CD96: variants seen among roughly 807,000 people sequenced by gnomAD.
CD96 encodes T-cell surface protein tactile.
CD96 carries 70 observed loss-of-function variants against 71.3 expected under a neutral mutation model. That is an observed-to-expected ratio of 0.98 (90% CI 0.81 to 1.20). The LOEUF is 1.20. CD96 is among the 50% of genes most tolerant of loss of function. The pLI is 0.00. For missense variants in CD96, 742 were observed against 677.5 expected (o/e 1.10, Z -1.06); for synonymous variants, 248 against 233.0 (o/e 1.06, Z -0.59).
intron 5 of CD96, among the ~76,000 whole-genome samples, chr3:111,592,280 C>T (rs540400624): frequency 1.3e-4 from 20 of 152,282 alleles, no homozygotes; most frequent in African/African-American, 4.8e-4. Flanking sequence ...CAGGAAATTA[C>T]TCTCTCCCTA....
chr3:111,581,678 C>T (rs1936473667), intron 4 of CD96, among the ~76,000 whole-genome samples: 1 of 152,180 alleles, frequency 6.6e-6, no homozygotes, highest in Non-Finnish European at 1.5e-5. Context: ...TGATTGTCCT[C>T]AACCTCAAAG....
intron 2 of CD96, among the ~76,000 whole-genome samples, chr3:111,560,098 G>T (rs1380164982): frequency 1.3e-5 from 2 of 148,702 alleles, no homozygotes; most frequent in African/African-American, 4.9e-5. Flanking sequence ...GAGCCTATAT[G>T]TGTCTCTGCA....
At chr3:111,658,548 C>A (rs988512629) in intron 14 of CD96, among the ~76,000 whole-genome samples, 1 of 152,210 alleles carries the variant, frequency 6.6e-6, no homozygotes, top group Non-Finnish European at 1.5e-5. Flanking sequence ...TATGCATGGT[C>A]TCTAAGTGCC....
At chr3:111,577,402 C>A in intron 3 of CD96, 4 of 847,912 alleles carry the variant, frequency 4.7e-6, no homozygotes, top group Non-Finnish European at 6.2e-6. Flanking sequence ...ATGCTCTCCA[C>A]TTTCTTCTCC....
chr3:111,581,009 T>C (rs193080047), intron 4 of CD96, among the ~76,000 whole-genome samples: 1 of 152,338 alleles, frequency 6.6e-6, no homozygotes, highest in East Asian at 1.9e-4. Context: ...AATTGCCTTG[T>C]CAACATTTAT....
intron 8 of CD96, among the ~76,000 whole-genome samples, chr3:111,616,363 C>T (rs1281310323): frequency 6.6e-6 from 1 of 152,004 alleles, no homozygotes; most frequent in Non-Finnish European, 1.5e-5. Context: ...GGATATCTCC[C>T]TAAAGAAAAG....
chr3:111,596,765 G>T (rs1471340077), intron 5 of CD96, among the ~76,000 whole-genome samples: 1 of 152,134 alleles, frequency 6.6e-6, no homozygotes, highest in Admixed American at 6.5e-5. Context: ...GTATTTTAGA[G>T]GATCTGGTTT....
At chr3:111,664,977 A>G (rs905785406) in intron 14 of CD96, among the ~76,000 whole-genome samples, 2 of 152,250 alleles carry the variant, frequency 1.3e-5, no homozygotes, top group Non-Finnish European at 2.9e-5. Context: ...TTAGCAGTCA[A>G]AGGACTATGA....
intron 14 of CD96, among the ~76,000 whole-genome samples, chr3:111,660,794 G>T (rs1940335602): frequency 6.6e-6 from 1 of 152,182 alleles, no homozygotes; most frequent in Non-Finnish European, 1.5e-5. Context: ...AATAAATGGT[G>T]CTGGGATAAC....
chr3:111,664,350 C>G (rs1940431225), intron 14 of CD96, among the ~76,000 whole-genome samples: 1 of 152,108 alleles, frequency 6.6e-6, no homozygotes, highest in African/African-American at 2.4e-5. Context: ...AAATCATGTC[C>G]TTTGCAGCAA....
At chr3:111,577,386 A>T (rs1936266424) in intron 3 of CD96, 6 of 797,892 alleles carry the variant, frequency 7.5e-6, no homozygotes, top group Non-Finnish European at 9.2e-6. Flanking sequence ...GCCAGTGCTG[A>T]GTGACATGCT....
chr3:111,571,210 T>C (rs1935967990), intron 3 of CD96, among the ~76,000 whole-genome samples: 2 of 60,864 alleles, frequency 3.3e-5, no homozygotes, highest in Non-Finnish European at 6.8e-5. Flanking sequence ...GTTTTGGTTT[T>C]TGGTTTTTGG....
At chr3:111,606,577 G>C (rs2107665560) in intron 7 of CD96, 123 bp from the exon 8 acceptor site, 2 of 688,904 alleles carry the variant, frequency 2.9e-6, no homozygotes, top group Non-Finnish European at 5.3e-6. Flanking sequence ...CCTTAATAGG[G>C]CCCCAATATT....
intron 14 of CD96, among the ~76,000 whole-genome samples, chr3:111,665,001 G>C (rs1940447429): frequency 6.6e-6 from 1 of 152,170 alleles, no homozygotes; most frequent in South Asian, 2.1e-4. Flanking sequence ...AAATAACTTA[G>C]CCTCAAAGGG....
At chr3:111,553,709 C>A (rs1934845310) in intron 2 of CD96, among the ~76,000 whole-genome samples, 1 of 151,842 alleles carries the variant, frequency 6.6e-6, no homozygotes, top group African/African-American at 2.4e-5. Context: ...TCCCTTTAAT[C>A]ACCAGTTTTA....
downstream of CD96, among the ~76,000 whole-genome samples, chr3:111,656,706 CT>C (rs1304041744): frequency 6.6e-6 from 1 of 151,908 alleles, no homozygotes; most frequent in Non-Finnish European, 1.5e-5. Flanking sequence ...TCTCTATCAA[CT>C]GATATTGAGT....
chr3:111,643,719 C>T (rs1576428511), intron 12 of CD96, among the ~76,000 whole-genome samples: 1 of 140,020 alleles, frequency 7.1e-6, no homozygotes, highest in Middle Eastern at 3.6e-3. Context: ...GAACTCAACC[C>T]CTTTTACAAT....
intron 10 of CD96, among the ~76,000 whole-genome samples, chr3:111,626,096 G>T (rs1938737849): frequency 1.3e-5 from 2 of 152,064 alleles, no homozygotes; most frequent in Admixed American, 1.3e-4. Context: ...GAGGTCAGGA[G>T]ATCAAGACCA....
At chr3:111,594,342 C>T (rs1429626895) in intron 5 of CD96, 3 of 1,047,288 alleles carry the variant, frequency 2.9e-6, no homozygotes, top group Admixed American at 5.5e-5. Context: ...TCTGGCCACA[C>T]CTGGGTGGTG....
Sources: gnomAD v4.1 joint callset for allele counts (sites outside exome capture counted in the v4.1 genomes callset) on GRCh38, gnomAD v4.1.1 for gene constraint, MANE v1.5 for transcripts, NCBI Gene and HGNC (gene_info 2026-07-23, HGNC 2026-07-21) for gene names.